The following ADGRB3 variants were observed in gnomAD, a reference collection of about 807,000 sequenced individuals.
The protein encoded by ADGRB3 is adhesion G protein-coupled receptor B3.
In ADGRB3, 37 loss-of-function variants were observed where a neutral mutation model predicts 193.4. That is an observed-to-expected ratio of 0.19 (90% confidence interval 0.15 to 0.25). ADGRB3 has a LOEUF of 0.25. Ranked by LOEUF, ADGRB3 falls within the 10% of genes least tolerant of loss-of-function variation. The pLI is 1.00. For missense variants in ADGRB3, 1,637 were observed against 1,852.9 expected (o/e 0.88, Z 2.14); for synonymous variants, 690 against 644.2 (o/e 1.07, Z -1.08).
chr6:69,304,694 A>G (rs1768027900), intron 20 of ADGRB3, among the ~76,000 whole-genome samples: 1 of 151,470 alleles, frequency 6.6e-6, no homozygotes, highest in Admixed American at 6.6e-5. Context: ...GAACTTGGTG[A>G]TAGATTATAT....
At chr6:68,975,419 T>C in intron 10 of ADGRB3, 79 bp downstream of exon 10, 5 of 1,064,862 alleles carry the variant, frequency 4.7e-6, no homozygotes, top group Non-Finnish European at 7.0e-6. Flanking sequence ...AACCTTCTGC[T>C]GTACAATCAA....
intron 17 of ADGRB3, among the ~76,000 whole-genome samples, chr6:69,202,964 A>G (rs1347325910): frequency 2.0e-5 from 3 of 152,122 alleles, no homozygotes; most frequent in Non-Finnish European, 4.4e-5. Context: ...CAAGTAATAA[A>G]TTAGTCTCCC....
intron 17 of ADGRB3, among the ~76,000 whole-genome samples, chr6:69,099,830 T>C (rs1341502487): frequency 6.6e-6 from 1 of 152,228 alleles, no homozygotes; most frequent in African/African-American, 2.4e-5. Flanking sequence ...CCCAGTATTA[T>C]GTAACCTGTA....
At chr6:69,202,176 A>G (rs1321109754) in intron 17 of ADGRB3, among the ~76,000 whole-genome samples, 1 of 152,170 alleles carries the variant, frequency 6.6e-6, no homozygotes, top group Non-Finnish European at 1.5e-5. Flanking sequence ...TTGGTCACAA[A>G]TACCCTAATG....
chr6:69,182,136 C>T (rs752950269), intron 17 of ADGRB3, among the ~76,000 whole-genome samples: 1 of 152,058 alleles, frequency 6.6e-6, no homozygotes, highest in African/African-American at 2.4e-5. Context: ...CAGATGCACC[C>T]ATGAGACAGG....
At chr6:69,053,892 C>A (rs1201996646) in intron 15 of ADGRB3, among the ~76,000 whole-genome samples, 1 of 152,086 alleles carries the variant, frequency 6.6e-6, no homozygotes, top group Admixed American at 6.5e-5. Flanking sequence ...TCCAAGTATA[C>A]CCTCAAGCCA....
chr6:69,199,845 C>A (rs1486379375), intron 17 of ADGRB3, among the ~76,000 whole-genome samples: 3 of 152,012 alleles, frequency 2.0e-5, no homozygotes, highest in Admixed American at 6.6e-5. Context: ...ATAATAGTGA[C>A]CCTCTTGCAA....
chr6:68,970,819 G>A (rs186421616), intron 8 of ADGRB3, among the ~76,000 whole-genome samples: 2 of 152,336 alleles, frequency 1.3e-5, no homozygotes, highest in East Asian at 3.9e-4. Flanking sequence ...AGGACAGAAT[G>A]AATGCCTGGG....
intron 3 of ADGRB3, among the ~76,000 whole-genome samples, chr6:68,859,386 A>T (rs1233882383): frequency 6.6e-6 from 1 of 152,164 alleles, no homozygotes; most frequent in East Asian, 1.9e-4. Flanking sequence ...CCAAAGTCTC[A>T]TCCACATTTT....
rs759836946 is a variant in ADGRB3 at position 68,956,124 on chromosome 6, T to C, written c.1296T>C (p.His432=). Residue 432 remains histidine (H), a synonymous_variant, in exon 7 of 32, where the codon CAT becomes CAC. Transcript: ENST00000370598. ...GCCGGCAGTGCACTGCAGCTGCCCA[T>C]GGAGGCTCCGAATGCAGAGGGCCAT... ...QRSRQCTAAA[H]GGSECRGPWA... is the part of the protein sequence containing the mutation. The C allele has an allele frequency of 3.7e-6, 6 of 1,613,986 alleles. No individual in the cohort carries two copies. Among genetic ancestry groups the C allele is most frequent in the Non-Finnish European group, 5.1e-6 (6 of 1,179,950 alleles).
intron 10 of ADGRB3, among the ~76,000 whole-genome samples, chr6:68,980,979 A>G (rs1022585620): frequency 3.3e-5 from 5 of 151,524 alleles, no homozygotes; most frequent in African/African-American, 1.2e-4. Context: ...ACATTCAGTA[A>G]CTGTTATTAT....
chr6:69,072,272 A>C (rs1349376335), intron 16 of ADGRB3, among the ~76,000 whole-genome samples: 2 of 152,170 alleles, frequency 1.3e-5, no homozygotes, highest in African/African-American at 4.8e-5. Context: ...TGAATGATGC[A>C]TTTTGGAACC....
intron 31 of ADGRB3, among the ~76,000 whole-genome samples, chr6:69,386,242 T>C (rs1770066750): frequency 6.6e-6 from 1 of 152,120 alleles, no homozygotes; most frequent in Admixed American, 6.6e-5. Flanking sequence ...AGTTCACATA[T>C]CCATAACAGT....
chr6:69,071,924 A>G (rs1772091783), intron 16 of ADGRB3, among the ~76,000 whole-genome samples: 1 of 152,112 alleles, frequency 6.6e-6, no homozygotes, highest in Non-Finnish European at 1.5e-5. Context: ...ATTCTTCATA[A>G]CAGATCTTGT....
At position 68,643,483 on chromosome 6, in the gene ADGRB3, A is replaced by G. The variant is rs563933269; in HGVS notation, c.757+4051A>G. Among the ~76,000 whole-genome samples the G allele has an allele frequency of 3.6e-5, 4 of 112,360 alleles. No individual in the cohort carries two copies. The East Asian group carries it at 1.3e-3, about 35-fold the overall frequency. 73.7% of individuals were successfully genotyped at this position (112,360 alleles called of 152,430 possible). A position where few individuals can be genotyped will look rare whatever the true frequency, so the allele number is the denominator to read the frequency against. On this transcript the variant is annotated intron_variant, in intron 3 of 31. Transcript: ENST00000370598. ...TTTCGTATGTCACTGCCAGGATGCC[A>G]TACTCTATCAGAATGCAGAACGATT... is the stretch of plus-strand genomic sequence containing the variant.
chr6:69,265,262 T>G (rs1011124861), intron 20 of ADGRB3, among the ~76,000 whole-genome samples: 6 of 151,938 alleles, frequency 3.9e-5, no homozygotes, highest in African/African-American at 1.4e-4. Flanking sequence ...CAGCTAGAAT[T>G]GAGTCACAGA....
chr6:69,151,238 G>A (rs1271056589), intron 17 of ADGRB3, among the ~76,000 whole-genome samples: 4 of 152,132 alleles, frequency 2.6e-5, no homozygotes, highest in Non-Finnish European at 5.9e-5. Flanking sequence ...GAACTCTAGA[G>A]CCCTTTATCC....
chr6:69,087,043 C>A (rs1158801709), intron 17 of ADGRB3, among the ~76,000 whole-genome samples: 2 of 152,072 alleles, frequency 1.3e-5, no homozygotes, highest in African/African-American at 4.8e-5. Context: ...AAGTCTATAA[C>A]CTGTCAGCTT....
chr6:69,290,979 T>G (rs1381144494), intron 20 of ADGRB3, among the ~76,000 whole-genome samples: 6 of 152,200 alleles, frequency 3.9e-5, no homozygotes, highest in Non-Finnish European at 8.8e-5. Context: ...TATTCAGCTT[T>G]CGCTTTTAGT....
Sources: gnomAD v4.1 joint callset for allele counts (sites outside exome capture counted in the v4.1 genomes callset) on GRCh38, gnomAD v4.1.1 for gene constraint, MANE v1.5 for transcripts, NCBI Gene and HGNC (gene_info 2026-07-23, HGNC 2026-07-21) for gene names.